The following GPHN variants were observed in gnomAD, a reference collection of about 807,000 sequenced individuals.
GPHN encodes gephyrin.
In GPHN, 17 loss-of-function variants were observed where a neutral mutation model predicts 95.5. The ratio of observed to expected loss-of-function variants is 0.18; its 90% confidence interval spans 0.12 to 0.27. The LOEUF (loss-of-function observed/expected upper bound fraction) is 0.27. Ranked by LOEUF, GPHN falls within the 10% of genes least tolerant of loss-of-function variation. The pLI is 1.00. For missense variants in GPHN, 660 were observed against 978.1 expected, an observed-to-expected ratio of 0.67 and a Z score of 4.34; for synonymous variants, 320 against 322.5, an observed-to-expected ratio of 0.99 and a Z score of 0.08.
intron 10 of GPHN, among the ~76,000 whole-genome samples, chr14:67,047,364 T>TGTG (rs1567253693): frequency 8.4e-5 from 4 of 47,848 alleles, no homozygotes; most frequent in Admixed American, 1.9e-4. Flanking sequence ...GTGTGTGTGT[T>TGTG]TGTTTTTTTT....
At chr14:67,112,996 A>C (rs372906592) in intron 15 of GPHN, 22 bp from the exon 16 acceptor site, 229 of 1,612,232 alleles carry the variant, frequency 1.4e-4, no homozygotes, top group Non-Finnish European at 1.9e-4. Context: ...CACACTGCTT[A>C]TGGTTCTGCT....
intron 11 of GPHN, among the ~76,000 whole-genome samples, chr14:67,071,193 T>C (rs915489501): frequency 6.6e-6 from 1 of 152,182 alleles, no homozygotes; most frequent in African/African-American, 2.4e-5. Flanking sequence ...CGTATGTTGA[T>C]TGCAGCACTA....
chr14:66,776,344 A>G (rs1011710214), intron 2 of GPHN, 120 bp from the exon 3 acceptor site: 5 of 750,426 alleles, frequency 6.7e-6, no homozygotes, highest in African/African-American at 3.5e-5. Context: ...TTTTTCCTCC[A>G]TGGTTGTTGG....
At chr14:66,886,117 T>C (rs1356798170) in intron 5 of GPHN, among the ~76,000 whole-genome samples, 1 of 152,164 alleles carries the variant, frequency 6.6e-6, no homozygotes, top group South Asian at 2.1e-4. Context: ...TAAGCAAAAG[T>C]AAATATCAAT....
chr14:67,068,332 A>G (rs372005720), intron 11 of GPHN, among the ~76,000 whole-genome samples: 1 of 152,332 alleles, frequency 6.6e-6, no homozygotes, highest in South Asian at 2.1e-4. Flanking sequence ...TTAGCCTATT[A>G]CTATTTTCAG....
chr14:67,571,384 GCAATCA>G, the GPHN span: 1 of 205,368 alleles, frequency 4.9e-6, no homozygotes, highest in African/African-American at 2.2e-5. Flanking sequence ...CAATGGAGAT[GCAATCA>G]TTGATTGTTG....
chr14:67,580,674 T>C, the GPHN span, among the ~76,000 whole-genome samples: 1 of 152,220 alleles, frequency 6.6e-6, no homozygotes, highest in East Asian at 1.9e-4. Flanking sequence ...CTGCCTAGCC[T>C]CTGGGGAGGC....
At chr14:66,894,950 C>A (rs537236115) in intron 5 of GPHN, among the ~76,000 whole-genome samples, 94 of 152,232 alleles carry the variant, frequency 6.2e-4, no homozygotes, top group African/African-American at 2.1e-3. Context: ...GACAGTGTGT[C>A]GATTCCTCAA....
intron 1 of GPHN, among the ~76,000 whole-genome samples, chr14:66,571,083 A>G (rs772844746): frequency 6.6e-6 from 1 of 152,224 alleles, no homozygotes; most frequent in Non-Finnish European, 1.5e-5. Flanking sequence ...AAGACTAGGT[A>G]ATTTATAAAG....
At chr14:66,567,181 T>C (rs777482703) in intron 1 of GPHN, among the ~76,000 whole-genome samples, 4 of 152,124 alleles carry the variant, frequency 2.6e-5, no homozygotes, top group Admixed American at 6.6e-5. Context: ...GCCAAATCCA[T>C]CCCTAGAATT....
At chr14:67,210,163 G>A in the GPHN span, among the ~76,000 whole-genome samples, 1 of 152,164 alleles carries the variant, frequency 6.6e-6, no homozygotes. Flanking sequence ...TTTGAATGTA[G>A]CGTTTCATAT....
At chr14:67,301,928 A>G in the GPHN span, 48 of 1,560,946 alleles carry the variant, frequency 3.1e-5, no homozygotes, top group Non-Finnish European at 4.1e-5. Flanking sequence ...CTGCAGAAAT[A>G]AATCATGCTG....
At chr14:67,460,908 G>T in the GPHN span, among the ~76,000 whole-genome samples, 1 of 152,172 alleles carries the variant, frequency 6.6e-6, no homozygotes, top group Non-Finnish European at 1.5e-5. Flanking sequence ...CCTGTATAAA[G>T]CATTTTAGAC....
intron 2 of GPHN, among the ~76,000 whole-genome samples, chr14:66,699,145 C>A (rs2068327076): frequency 6.6e-6 from 1 of 152,072 alleles, no homozygotes; most frequent in Non-Finnish European, 1.5e-5. Context: ...AATTACTTGA[C>A]CTTTCAGAAT....
chr14:67,488,882 C>T, the GPHN span: 1 of 152,240 alleles, frequency 6.6e-6, no homozygotes, highest in East Asian at 1.9e-4. Flanking sequence ...CCAGACACCT[C>T]CCACTTCCTG....
chr14:66,753,648 C>A (rs8005740), intron 2 of GPHN, among the ~76,000 whole-genome samples: 47,259 of 151,846 alleles, frequency 0.31, 11,171 homozygotes, highest in African/African-American at 0.64. Flanking sequence ...TGCCTTAATG[C>A]AGCAATCACG....
At chr14:66,946,338 G>T (rs182371758) in intron 8 of GPHN, among the ~76,000 whole-genome samples, 4 of 152,220 alleles carry the variant, frequency 2.6e-5, no homozygotes, top group African/African-American at 7.2e-5. Context: ...CCTAGGTAAA[G>T]GCATTAATCA....
At chr14:67,637,370 C>CATTGCA in the GPHN span, among the ~76,000 whole-genome samples, 1 of 137,766 alleles carries the variant, frequency 7.3e-6, no homozygotes, top group South Asian at 2.5e-4. Context: ...GAGATCATGC[C>CATTGCA]ATTGCACTCC....
At chr14:66,827,917 G>A (rs539118721) in intron 4 of GPHN, among the ~76,000 whole-genome samples, 37 of 151,894 alleles carry the variant, frequency 2.4e-4, no homozygotes, top group Non-Finnish European at 4.6e-4. Flanking sequence ...TTCAGAAATT[G>A]AGCAGTATTT....
Sources: allele counts gnomAD v4.1 joint callset (sites outside exome capture counted in the v4.1 genomes callset), GRCh38; gene constraint gnomAD v4.1.1; transcripts MANE v1.5; gene names NCBI Gene and HGNC (gene_info 2026-07-23, HGNC 2026-07-21).